The following SPAG16 variants were observed in gnomAD, a reference collection of about 807,000 sequenced individuals.
The protein encoded by SPAG16 is sperm associated antigen 16, also known as sperm-associated antigen 16 protein.
A neutral mutation model predicts 80.4 loss-of-function variants in SPAG16; 86 were observed. That is an observed-to-expected ratio of 1.07 (90% CI 0.90 to 1.28). The LOEUF is 1.28. Among genes scored for constraint, SPAG16 ranks in the 50% most tolerant of loss-of-function variants. The pLI, the probability that SPAG16 is intolerant of heterozygous loss-of-function variation, is 0.00. For synonymous variants in SPAG16, 294 were observed against 265.9 expected (o/e 1.11, Z -1.03); for missense variants, 870 against 765.3 (o/e 1.14, Z -1.61).
chr2:213,838,233 G>A (rs917538344), intron 10 of SPAG16, among the ~76,000 whole-genome samples: 5 of 152,128 alleles, frequency 3.3e-5, no homozygotes, highest in South Asian at 4.1e-4. Flanking sequence ...GTGCAGTGGT[G>A]TAATCTTGAC....
chr2:214,034,928 G>A lies in SPAG16; in HGVS notation c.1527+20851G>A, dbSNP rs572363774. 2.6e-5 allele frequency among the ~76,000 whole-genome samples: 4 copies of A among 152,282 alleles called. No individual in the cohort carries two copies. The South Asian group carries it at 8.3e-4, about 32-fold the overall frequency. ...GCCATTCGGCAGGTCCTGAGTTCTTGAACCTGTGCCCAGGAAGAATGAGGT... is the reference window on the plus strand; with the variant it reads ...GCCATTCGGCAGGTCCTGAGTTCTTAAACCTGTGCCCAGGAAGAATGAGGT... On this transcript the variant is annotated intron_variant, in intron 13 of 15. Coordinates refer to ENST00000331683, the MANE Select transcript of SPAG16 (RefSeq NM_024532.5).
chr2:214,071,136 A>G lies in SPAG16; in HGVS notation c.1528-37060A>G, dbSNP rs548428309. Reference sequence around the variant, plus strand: ...CTGTATGTGGTGCATATAACAAATGAAGACTTTTGTGATAGATAACTCACA... The same window carrying G: ...CTGTATGTGGTGCATATAACAAATGGAGACTTTTGTGATAGATAACTCACA... On this transcript the variant is annotated intron_variant, in intron 13 of 15. Transcript: ENST00000331683. Among the ~76,000 whole-genome samples the G allele has an allele frequency of 2.0e-5, 3 of 152,260 alleles. No individual in the cohort carries two copies. In the South Asian group the frequency reaches 6.2e-4, roughly 32 times the overall value.
At chr2:213,632,001 T>C (rs2062172745) in intron 10 of SPAG16, among the ~76,000 whole-genome samples, 1 of 152,186 alleles carries the variant, frequency 6.6e-6, no homozygotes, top group Non-Finnish European at 1.5e-5. Context: ...TTAGGATTTT[T>C]TTTCTATTTC....
intron 12 of SPAG16, among the ~76,000 whole-genome samples, chr2:213,961,310 G>C (rs574618242): frequency 6.6e-6 from 1 of 151,824 alleles, no homozygotes; most frequent in Non-Finnish European, 1.5e-5. Flanking sequence ...ATGTATATTC[G>C]AGTTTTCTAC....
chr2:213,987,986 A>G (rs6757512), intron 12 of SPAG16, among the ~76,000 whole-genome samples: 73,679 of 151,172 alleles, frequency 0.49, 19,141 homozygotes, highest in South Asian at 0.66. Context: ...TGTATTTTAA[A>G]TACATACATC....
chr2:214,402,750 A>C (rs1701783272), intron 15 of SPAG16, among the ~76,000 whole-genome samples: 1 of 152,062 alleles, frequency 6.6e-6, no homozygotes, highest in South Asian at 2.1e-4. Context: ...CAGAAGCTCT[A>C]AAAGAATAGG....
intron 10 of SPAG16, among the ~76,000 whole-genome samples, chr2:213,726,724 A>C (rs182910127): frequency 1.1e-3 from 162 of 152,344 alleles, no homozygotes; most frequent in African/African-American, 3.7e-3. Context: ...TGGTTTCATT[A>C]ATGTGATCAC....
chr2:213,911,089 A>G (rs1428653886), intron 11 of SPAG16, among the ~76,000 whole-genome samples: 1 of 152,298 alleles, frequency 6.6e-6, no homozygotes, highest in East Asian at 1.9e-4. Context: ...ATTACCATCA[A>G]TCTGGCACCT....
At chr2:213,332,212 A>G (rs531200414) in intron 5 of SPAG16, among the ~76,000 whole-genome samples, 1 of 152,316 alleles carries the variant, frequency 6.6e-6, no homozygotes, top group African/African-American at 2.4e-5. Context: ...AAACATTACA[A>G]CTGGGATTGC....
intron 10 of SPAG16, among the ~76,000 whole-genome samples, chr2:213,753,538 A>T (rs1039100756): frequency 6.6e-6 from 1 of 152,230 alleles, no homozygotes; most frequent in Non-Finnish European, 1.5e-5. Context: ...GTATATTCAG[A>T]TTAAGACATT....
At chr2:214,092,345 G>A (rs963774035) in intron 13 of SPAG16, among the ~76,000 whole-genome samples, 1 of 152,038 alleles carries the variant, frequency 6.6e-6, no homozygotes, top group Non-Finnish European at 1.5e-5. Context: ...TTCCCCACAT[G>A]ACTGCCAACA....
chr2:213,946,264 G>A (rs2106306752), intron 12 of SPAG16, among the ~76,000 whole-genome samples: 1 of 152,184 alleles, frequency 6.6e-6, no homozygotes, highest in East Asian at 1.9e-4. Context: ...ACTGGTGCAT[G>A]CCACCACACC....
chr2:213,367,776 A>G (rs2125150325), intron 8 of SPAG16, among the ~76,000 whole-genome samples: 1 of 147,732 alleles, frequency 6.8e-6, no homozygotes, highest in Middle Eastern at 3.4e-3. Flanking sequence ...TGCTGTGCAG[A>G]AGCTCTTCAG....
At chr2:213,763,204 A>G (rs374141209) in intron 10 of SPAG16, among the ~76,000 whole-genome samples, 1 of 148,530 alleles carries the variant, frequency 6.7e-6, no homozygotes, top group Non-Finnish European at 1.5e-5. Flanking sequence ...TGTAGCCTCA[A>G]TGGAAAACTG....
intron 10 of SPAG16, among the ~76,000 whole-genome samples, chr2:213,769,022 G>A (rs1026975873): frequency 6.6e-6 from 1 of 152,278 alleles, no homozygotes. Context: ...GAAAGAATTA[G>A]TTGATGATAT....
At chr2:213,655,531 G>A (rs1032426206) in intron 10 of SPAG16, among the ~76,000 whole-genome samples, 1 of 152,214 alleles carries the variant, frequency 6.6e-6, no homozygotes, top group Non-Finnish European at 1.5e-5. Context: ...ACATGTTGGG[G>A]TGGTATGGTA....
At chr2:213,567,218 C>A (rs2059800212) in intron 10 of SPAG16, among the ~76,000 whole-genome samples, 1 of 123,580 alleles carries the variant, frequency 8.1e-6, no homozygotes. Context: ...ATTAAAATTA[C>A]TTGTTTGACA....
chr2:213,904,900 G>T (rs1368622524), intron 11 of SPAG16, among the ~76,000 whole-genome samples: 1 of 152,144 alleles, frequency 6.6e-6, no homozygotes. Context: ...GGGTCTTGTT[G>T]TTAGGGTTTT....
intron 15 of SPAG16, among the ~76,000 whole-genome samples, chr2:214,310,090 A>G (rs892435204): frequency 3.3e-5 from 5 of 151,932 alleles, no homozygotes; most frequent in Admixed American, 1.3e-4. Flanking sequence ...GGAGGTGTCA[A>G]AGCACTCTTT....
Sources: gnomAD v4.1 joint callset for allele counts (sites outside exome capture counted in the v4.1 genomes callset) on GRCh38, gnomAD v4.1.1 for gene constraint, MANE v1.5 for transcripts, NCBI Gene and HGNC (gene_info 2026-07-23, HGNC 2026-07-21) for gene names.